TAFA2: variants seen among roughly 807,000 people sequenced by gnomAD.
TAFA2 encodes TAFA chemokine like family member 2.
Under a neutral mutation model 18.8 loss-of-function variants are expected in TAFA2, and 7 were observed. The ratio of observed to expected loss-of-function variants is 0.37; its 90% CI spans 0.21 to 0.70. The LOEUF (loss-of-function observed/expected upper bound fraction) is 0.70. Among genes scored for constraint, TAFA2 ranks in the 30% least tolerant of loss-of-function variants. The probability of loss-of-function intolerance (pLI) is 0.53; values close to 1 mark genes in which losing one functional copy is unlikely to be tolerated. For missense variants in TAFA2, 122 were observed against 158.1 expected, an observed-to-expected ratio of 0.77 and a Z score of 1.23; for synonymous variants, 60 against 54.2, an observed-to-expected ratio of 1.11 and a Z score of -0.47.
At chr12:62,161,404 A>G (rs1592374620) in intron 1 of TAFA2, among the ~76,000 whole-genome samples, 1 of 152,340 alleles carries the variant, frequency 6.6e-6, no homozygotes, top group Non-Finnish European at 1.5e-5. Context: ...TTTTGCAGCA[A>G]CATGGATGGA....
upstream of TAFA2, chr12:62,259,040 A>C: frequency 6.3e-6 from 1 of 159,392 alleles, no homozygotes; most frequent in East Asian, 1.9e-4. Context: ...ATACTGATAT[A>C]CACAAATCAT....
chr12:62,052,799 A>T (rs1592306973), intron 1 of TAFA2, among the ~76,000 whole-genome samples: 1 of 152,318 alleles, frequency 6.6e-6, no homozygotes, highest in Non-Finnish European at 1.5e-5. Context: ...ACAAACGAAG[A>T]CTGTATCCAA....
intron 1 of TAFA2, chr12:62,022,010 A>G: frequency 1.5e-6 from 1 of 657,826 alleles, no homozygotes; most frequent in Non-Finnish European, 2.9e-6. Flanking sequence ...GCAATGGCAC[A>G]GACCCCTAGC....
rs760720715 is a variant in TAFA2 at position 62,225,864 on chromosome 12, G to A, written c.-130+32899C>T. Reference sequence around the variant, plus strand: ...AGAGAAACAGGCAGTTTTATACATTGCTGATTGGTGTATAAATGGGTTTAA... The same window carrying A: ...AGAGAAACAGGCAGTTTTATACATTACTGATTGGTGTATAAATGGGTTTAA... On this transcript the variant is annotated intron_variant, in intron 1 of 5. Transcript: ENST00000551619. Among the ~76,000 whole-genome samples the A allele has an allele frequency of 6.8e-4, 103 of 152,296 alleles. 3 individuals carry two copies. Among genetic ancestry groups the A allele is most frequent in the Non-Finnish European group, 6.2e-4 (42 of 68,026 alleles).
Position 62,152,079 on chromosome 12 carries a change from T to C in TAFA2, c.-2+39180A>G, listed in dbSNP as rs951431114. ...CTGTAAAATACACAACAGAATGCTA[T>C]TGCTTTGGGAAATGTGTAAGCATCC... On this transcript the variant is annotated intron_variant, in intron 1 of 4. Transcript: ENST00000416284. Among the ~76,000 whole-genome samples, 4 of 152,186 alleles carry C rather than the reference T, an allele frequency of 2.6e-5. No homozygotes were observed. In the East Asian group the frequency reaches 7.7e-4, roughly 29 times the overall value.
At chr12:62,028,184 GAATGTATCCAAAGGC>G (rs1881358838) in intron 1 of TAFA2, among the ~76,000 whole-genome samples, 1 of 152,130 alleles carries the variant, frequency 6.6e-6, no homozygotes, top group African/African-American at 2.4e-5. Context: ...AGTTCTCAAG[GAATGTATCCAAAGGC>G]AAGTGTGAAA....
intron 1 of TAFA2, among the ~76,000 whole-genome samples, chr12:62,223,393 G>T (rs2062772536): frequency 6.6e-6 from 1 of 152,094 alleles, no homozygotes; most frequent in Admixed American, 6.5e-5. Context: ...GTCTAGGCTG[G>T]CCTAAAACTC....
rs1592407388 is a variant in TAFA2 at position 61,814,998 on chromosome 12, G to T, written c.106+52322C>A. Among the ~76,000 whole-genome samples the T allele has an allele frequency of 3.3e-5, 5 of 151,660 alleles. No homozygotes were observed. In the Middle Eastern group the frequency reaches 0.014, roughly 413 times the overall value. On this transcript the variant is annotated intron_variant, in intron 2 of 4. Transcript: ENST00000416284. ...TTTTGAATCTCTGACCTTCAGAAAT[G>T]TAAGATAATTAACTTGTGTTGTTCT...
intron 1 of TAFA2, among the ~76,000 whole-genome samples, chr12:62,204,125 T>C (rs902886342): frequency 1.3e-5 from 2 of 152,142 alleles, no homozygotes; most frequent in African/African-American, 4.8e-5. Flanking sequence ...AAATTCTGGG[T>C]TGGAAATTCT....
chr12:61,778,514 C>G (rs983840786), intron 2 of TAFA2, among the ~76,000 whole-genome samples: 13 of 151,784 alleles, frequency 8.6e-5, no homozygotes, highest in Non-Finnish European at 1.9e-4. Context: ...CATTCCCTCT[C>G]CCTCTCATGC....
intron 2 of TAFA2, among the ~76,000 whole-genome samples, chr12:61,807,780 C>T (rs1007548218): frequency 4.6e-5 from 7 of 151,366 alleles, no homozygotes; most frequent in East Asian, 1.9e-4. Context: ...AAGATTTGAC[C>T]GCCCCACTGG....
chr12:61,954,710 G>C (rs1342281021), intron 1 of TAFA2, among the ~76,000 whole-genome samples: 5 of 152,072 alleles, frequency 3.3e-5, no homozygotes, highest in African/African-American at 1.2e-4. Context: ...TTTGTGAGCT[G>C]CTTATTACAA....
intron 1 of TAFA2, among the ~76,000 whole-genome samples, chr12:62,143,473 C>T (rs2062254904): frequency 6.6e-6 from 1 of 152,078 alleles, no homozygotes; most frequent in African/African-American, 2.4e-5. Flanking sequence ...TCTGACCAGC[C>T]CAAGGACTAT....
chr12:61,850,903 C>T (rs185361861), intron 2 of TAFA2, among the ~76,000 whole-genome samples: 141 of 152,138 alleles, frequency 9.3e-4, no homozygotes, highest in African/African-American at 3.2e-3. Flanking sequence ...GGAACACCAG[C>T]GCTATCAACT....
chr12:61,876,501 G>T (rs190984339), intron 1 of TAFA2, among the ~76,000 whole-genome samples: 2 of 152,248 alleles, frequency 1.3e-5, no homozygotes, highest in East Asian at 3.9e-4. Context: ...TTAACAGCAC[G>T]CATTCAAGAG....
At chr12:62,095,575 G>A (rs568145636) in intron 1 of TAFA2, among the ~76,000 whole-genome samples, 1 of 152,168 alleles carries the variant, frequency 6.6e-6, no homozygotes, top group African/African-American at 2.4e-5. Flanking sequence ...GGCAGACTCC[G>A]TGAGTTGATA....
At chr12:62,190,243 C>A (rs184897603) in intron 1 of TAFA2, among the ~76,000 whole-genome samples, 1 of 152,224 alleles carries the variant, frequency 6.6e-6, no homozygotes, top group Non-Finnish European at 1.5e-5. Flanking sequence ...GCTCTACGAG[C>A]GTCTATGGTT....
At chr12:62,162,319 T>C (rs192084769) in intron 1 of TAFA2, among the ~76,000 whole-genome samples, 23 of 152,346 alleles carry the variant, frequency 1.5e-4, no homozygotes, top group African/African-American at 5.5e-4. Context: ...ACACTGATGG[T>C]AGCTCTAATT....
intron 1 of TAFA2, among the ~76,000 whole-genome samples, chr12:62,210,407 T>C (rs1269426133): frequency 1.3e-5 from 2 of 152,306 alleles, no homozygotes; most frequent in African/African-American, 4.8e-5. Context: ...TACAAATTTT[T>C]TGCCCACTTT....
Sources: allele counts gnomAD v4.1 joint callset (sites outside exome capture counted in the v4.1 genomes callset), GRCh38; gene constraint gnomAD v4.1.1; transcripts MANE v1.5; gene names NCBI Gene and HGNC (gene_info 2026-07-23, HGNC 2026-07-21).